Variants in AFG2A observed in about 807,000 individuals in gnomAD.
AFG2A encodes the protein AAA ATPase AFG2A.
chr4:123,017,060 G>A, the AFG2A span, among the ~76,000 whole-genome samples: 2 of 151,932 alleles, frequency 1.3e-5, no homozygotes, highest in African/African-American at 2.4e-5. Flanking sequence ...GCAGTGAGCC[G>A]AGATGGCAGC....
the AFG2A span, among the ~76,000 whole-genome samples, chr4:123,151,689 A>T: frequency 1.3e-5 from 2 of 152,194 alleles, no homozygotes; most frequent in Non-Finnish European, 2.9e-5. Context: ...TGGGAGTATA[A>T]ATTAGTTCAA....
At chr4:123,049,786 A>G in the AFG2A span, among the ~76,000 whole-genome samples, 5 of 150,144 alleles carry the variant, frequency 3.3e-5, no homozygotes, top group East Asian at 7.9e-4. Flanking sequence ...TCATTTGTTG[A>G]TCTTTTATTT....
At chr4:123,119,381 G>C in the AFG2A span, among the ~76,000 whole-genome samples, 1 of 152,118 alleles carries the variant, frequency 6.6e-6, no homozygotes, top group Non-Finnish European at 1.5e-5. Flanking sequence ...CAAAGGTTAC[G>C]AGAGCAGGAG....
the AFG2A span, among the ~76,000 whole-genome samples, chr4:123,081,826 T>A: frequency 6.6e-6 from 1 of 152,150 alleles, no homozygotes; most frequent in Admixed American, 6.5e-5. Context: ...ACTTTCCTGA[T>A]TTTGGCCATT....
the AFG2A span, chr4:122,938,330 C>A: frequency 7.6e-7 from 1 of 1,316,338 alleles, no homozygotes; most frequent in Non-Finnish European, 9.8e-7. Context: ...TTGAATGTGT[C>A]AGAGTCTTTG....
the AFG2A span, among the ~76,000 whole-genome samples, chr4:123,276,448 G>T: frequency 6.6e-6 from 1 of 152,058 alleles, no homozygotes; most frequent in African/African-American, 2.4e-5. Context: ...TTACTCTGTC[G>T]ATAGTTTCCT....
the AFG2A span, among the ~76,000 whole-genome samples, chr4:123,220,148 C>T: frequency 6.6e-6 from 1 of 152,064 alleles, no homozygotes; most frequent in Non-Finnish European, 1.5e-5. Flanking sequence ...GGATTACAGG[C>T]GTGAGCCACT....
At chr4:123,290,987 C>G in the AFG2A span, among the ~76,000 whole-genome samples, 16 of 152,280 alleles carry the variant, frequency 1.1e-4, 1 homozygote, top group African/African-American at 3.8e-4. Context: ...GAGTTAGGTG[C>G]ATATTTATTT....
the AFG2A span, among the ~76,000 whole-genome samples, chr4:123,308,977 G>A: frequency 6.6e-6 from 1 of 152,194 alleles, no homozygotes; most frequent in Admixed American, 6.5e-5. Context: ...ATGTCTATAT[G>A]TCTATTCCTT....
At chr4:123,251,333 A>G in the AFG2A span, among the ~76,000 whole-genome samples, 1 of 152,184 alleles carries the variant, frequency 6.6e-6, no homozygotes, top group Non-Finnish European at 1.5e-5. Context: ...TAGATGCTTA[A>G]TAATTTTTTT....
chr4:123,013,098 G>A, the AFG2A span, among the ~76,000 whole-genome samples: 5 of 152,216 alleles, frequency 3.3e-5, no homozygotes, highest in South Asian at 8.3e-4. Context: ...ATTTGGGTAG[G>A]TAAAGGAAAA....
At chr4:123,302,974 G>A in the AFG2A span, among the ~76,000 whole-genome samples, 10 of 152,222 alleles carry the variant, frequency 6.6e-5, no homozygotes, top group Admixed American at 5.9e-4. Flanking sequence ...CCTTGTAGGT[G>A]ATCAATAAAG....
chr4:123,181,197 G>A, the AFG2A span, among the ~76,000 whole-genome samples: 26 of 151,928 alleles, frequency 1.7e-4, no homozygotes, highest in African/African-American at 5.1e-4. Flanking sequence ...TGTTAGCCAG[G>A]ATGGTCTCGA....
chr4:123,106,103 C>A, the AFG2A span, among the ~76,000 whole-genome samples: 21 of 152,100 alleles, frequency 1.4e-4, no homozygotes, highest in African/African-American at 4.8e-4. Context: ...CCCCAGCCTG[C>A]AGCAACTACC....
At chr4:122,969,003 T>C in the AFG2A span, among the ~76,000 whole-genome samples, 2 of 152,114 alleles carry the variant, frequency 1.3e-5, no homozygotes, top group African/African-American at 4.8e-5. Context: ...GTTATTAATA[T>C]AGCTTAGTTG....
At chr4:123,216,363 A>G in the AFG2A span, among the ~76,000 whole-genome samples, 1 of 152,182 alleles carries the variant, frequency 6.6e-6, no homozygotes, top group Non-Finnish European at 1.5e-5. Flanking sequence ...TATAAATTCT[A>G]TTTTTAAAAC....
chr4:123,112,900 C>G, the AFG2A span, among the ~76,000 whole-genome samples: 1 of 151,924 alleles, frequency 6.6e-6, no homozygotes, highest in African/African-American at 2.4e-5. Flanking sequence ...ATTTGGAGGG[C>G]AATTTGAACA....
chr4:123,036,837 A>G, the AFG2A span, among the ~76,000 whole-genome samples: 11 of 152,136 alleles, frequency 7.2e-5, no homozygotes, highest in Admixed American at 5.2e-4. Flanking sequence ...CAGGGTTTTT[A>G]CTTGCCCACA....
At chr4:123,250,414 G>T in the AFG2A span, among the ~76,000 whole-genome samples, 2 of 152,210 alleles carry the variant, frequency 1.3e-5, no homozygotes, top group South Asian at 4.1e-4. Flanking sequence ...TATAAGAATG[G>T]CAGGGGGTCC....
Sources: allele counts gnomAD v4.1 joint callset (sites outside exome capture counted in the v4.1 genomes callset), GRCh38; gene constraint gnomAD v4.1.1; transcripts MANE v1.5; gene names NCBI Gene and HGNC (gene_info 2026-07-23, HGNC 2026-07-21).